RBM20: variants seen among roughly 807,000 people sequenced by gnomAD.
RBM20 encodes RNA-binding protein 20.
Under a neutral mutation model 110.1 loss-of-function variants are expected in RBM20, and 51 were observed. The ratio of observed to expected loss-of-function variants is 0.46; its 90% CI spans 0.37 to 0.59. The LOEUF is 0.59. Among genes scored for constraint, RBM20 ranks in the 20% least tolerant of loss-of-function variants. RBM20 has a pLI of 0.00. For synonymous variants in RBM20, 589 were observed against 618.2 expected (o/e 0.95, Z 0.70); for missense variants, 1,512 against 1,574.9 (o/e 0.96, Z 0.68).
At chr10:110,786,561 T>C (rs144367908) in intron 5 of RBM20, among the ~76,000 whole-genome samples, 122 of 152,342 alleles carry the variant, frequency 8.0e-4, no homozygotes, top group African/African-American at 2.8e-3. Flanking sequence ...CACATTTTGG[T>C]GAAAGAGAAT....
At position 110,821,908 on chromosome 10, in the gene RBM20, C is replaced by G; in HGVS notation, c.3289C>G (p.Gln1097Glu). 1 of 1,551,728 alleles carries G rather than the reference C, an allele frequency of 6.4e-7. No homozygotes were observed. The highest frequency in any genetic ancestry group is 8.7e-7 in the Non-Finnish European group (1 of 1,147,010). ...SPPIETDLQN[Q>E]ACQEVLTPEN... ...CCCCATCGAAACTGACCTCCAAAAC[C>G]AAGCTTGCCAAGAAGTGTTGACCCC... The change falls in exon 11 of 14, where the codon CAA becomes GAA. Residue 1097 changes from glutamine to glutamate, a missense_variant. Gln to Glu is a conservative substitution (Grantham distance 29). This residue lies in a region of RBM20 where 358 missense variants were observed against 384.2 expected (regional missense o/e 0.93). Coordinates refer to ENST00000369519, the MANE Select transcript of RBM20 (RefSeq NM_001134363.3).
At chr10:110,810,272 A>G in intron 7 of RBM20, 111 bp from the exon 8 acceptor site, 1 of 760,302 alleles carries the variant, frequency 1.3e-6, no homozygotes, top group Non-Finnish European at 2.3e-6. Context: ...CACACAAGGT[A>G]TTTTTTCCCT....
intron 1 of RBM20, among the ~76,000 whole-genome samples, chr10:110,765,469 T>C (rs554263831): frequency 1.4e-3 from 216 of 152,246 alleles, no homozygotes; most frequent in Non-Finnish European, 2.9e-3. Flanking sequence ...CAGCACCTCT[T>C]AGGTATCTTT....
intron 1 of RBM20, among the ~76,000 whole-genome samples, chr10:110,732,669 G>A (rs1437642469): frequency 6.6e-6 from 1 of 152,122 alleles, no homozygotes; most frequent in Non-Finnish European, 1.5e-5. Context: ...CCGTTCACAC[G>A]CACCCCATCG....
intron 1 of RBM20, among the ~76,000 whole-genome samples, chr10:110,765,788 A>G (rs1844073740): frequency 1.3e-5 from 2 of 152,144 alleles, no homozygotes; most frequent in African/African-American, 2.4e-5. Flanking sequence ...AACCTCAAAA[A>G]TAGCTTTTAT....
intron 1 of RBM20, among the ~76,000 whole-genome samples, chr10:110,688,159 C>T (rs563147969): frequency 1.3e-5 from 2 of 152,184 alleles, no homozygotes; most frequent in African/African-American, 4.8e-5. Context: ...TAATCCAGTC[C>T]ACAATTCCTT....
At position 110,830,211 on chromosome 10, in the gene RBM20, T is replaced by C. The variant is rs1845031792; in HGVS notation, c.3452-850T>C. ...CTGACCGTGTCTTCAAAAGGAGAAC[T>C]GTGACCTGCAAAACACCTTCGTGGA... On this transcript the variant is annotated intron_variant, in intron 12 of 13. Transcript: ENST00000369519. 2.0e-5 allele frequency among the ~76,000 whole-genome samples: 3 copies of C among 152,320 alleles called. No homozygotes were observed. The South Asian group carries it at 6.2e-4, about 32-fold the overall frequency.
At chr10:110,817,445 T>C (rs1470613695) in intron 9 of RBM20, among the ~76,000 whole-genome samples, 1 of 152,126 alleles carries the variant, frequency 6.6e-6, no homozygotes, top group Non-Finnish European at 1.5e-5. Context: ...GACCCAACCA[T>C]GCGGGAAGAC....
At chr10:110,742,005 T>C (rs1190374009) in intron 1 of RBM20, among the ~76,000 whole-genome samples, 3 of 152,312 alleles carry the variant, frequency 2.0e-5, no homozygotes, top group South Asian at 2.1e-4. Flanking sequence ...GAGGGAAATG[T>C]AGTGGACTGA....
intron 1 of RBM20, among the ~76,000 whole-genome samples, chr10:110,762,593 G>C (rs1232590458): frequency 6.6e-6 from 1 of 152,152 alleles, no homozygotes; most frequent in Non-Finnish European, 1.5e-5. Context: ...ATGTTACGGA[G>C]CTCACAATAG....
At chr10:110,691,840 T>C (rs925882974) in intron 1 of RBM20, among the ~76,000 whole-genome samples, 1 of 152,212 alleles carries the variant, frequency 6.6e-6, no homozygotes, top group Non-Finnish European at 1.5e-5. Flanking sequence ...ACCCAAGAAG[T>C]CATTGCCAAA....
chr10:110,690,385 A>C (rs961100048), intron 1 of RBM20, among the ~76,000 whole-genome samples: 50 of 152,018 alleles, frequency 3.3e-4, no homozygotes, highest in Non-Finnish European at 4.4e-4. Context: ...CAGGTTGTGC[A>C]ATAGAGCAAG....
At chr10:110,831,213 C>T (rs1261202820) in intron 13 of RBM20, 31 bp downstream of exon 13, 3 of 1,546,134 alleles carry the variant, frequency 1.9e-6, no homozygotes, top group Middle Eastern at 1.7e-4. Context: ...CCCAGCATGC[C>T]AGGGGCTCCC....
At chr10:110,798,473 G>A (rs990894824) in intron 6 of RBM20, among the ~76,000 whole-genome samples, 1 of 152,130 alleles carries the variant, frequency 6.6e-6, no homozygotes, top group Non-Finnish European at 1.5e-5. Flanking sequence ...TTGGGTAAAT[G>A]CACAGAATTC....
rs1843891916 is a variant in RBM20 at position 110,753,998 on chromosome 10, A to G, written c.192-26803A>G. ...CAAATCTACCCATCTAGGTTATGAGATCTAAATTCTGAGATCCTCAACTTA... is the reference window on the plus strand; with the variant it reads ...CAAATCTACCCATCTAGGTTATGAGGTCTAAATTCTGAGATCCTCAACTTA... On this transcript the variant is annotated intron_variant, in intron 1 of 13. Transcript: ENST00000369519. Among the ~76,000 whole-genome samples the G allele has an allele frequency of 2.0e-5, 3 of 152,126 alleles. No homozygotes were observed. The South Asian group carries it at 6.2e-4, about 31-fold the overall frequency.
At chr10:110,664,229 A>G (rs1862146292) in intron 1 of RBM20, among the ~76,000 whole-genome samples, 1 of 152,208 alleles carries the variant, frequency 6.6e-6, no homozygotes, top group Non-Finnish European at 1.5e-5. Context: ...TGTTGATTCC[A>G]GGCCTGGGGC....
chr10:110,739,651 C>G lies in RBM20; in HGVS notation c.192-41150C>G, dbSNP rs1843705451. On this transcript the variant is annotated intron_variant, in intron 1 of 13. Transcript: ENST00000369519. The surrounding 1 kb of genome is among the most constrained non-coding windows in gnomAD (Gnocchi z 4.1). ...GGCAGAGTGGCAGGGGAAAGAGCACCAGCATCAATGTGAACATTCTAGCTG... is the reference window on the plus strand; with the variant it reads ...GGCAGAGTGGCAGGGGAAAGAGCACGAGCATCAATGTGAACATTCTAGCTG... Among the ~76,000 whole-genome samples, 1 of 152,106 alleles carries G rather than the reference C, an allele frequency of 6.6e-6. No homozygotes were observed. The highest frequency in any genetic ancestry group is 1.5e-5 in the Non-Finnish European group (1 of 68,012).
In RBM20 at chr10:110,776,834, A is replaced by G. The variant is rs541847588; in HGVS notation, c.192-3967A>G. Among the ~76,000 whole-genome samples the G allele has an allele frequency of 1.7e-4, 26 of 152,358 alleles. No individual in the cohort carries two copies. The East Asian group carries it at 5.0e-3, about 29-fold the overall frequency. ...TTATCCACTCAATTTAAAAACCTGA[A>G]CTTAGACAGAGAAAGAGTGTACTGA... On this transcript the variant is annotated intron_variant, in intron 1 of 13. Transcript: ENST00000369519.
rs1843711664 is a variant in RBM20, at chr10:110,740,283, A to G, written c.192-40518A>G. Among the ~76,000 whole-genome samples the G allele has an allele frequency of 2.0e-5, 3 of 152,212 alleles. No homozygotes were observed. In the South Asian group the frequency reaches 6.2e-4, roughly 32 times the overall value. On this transcript the variant is annotated intron_variant, in intron 1 of 13. Transcript: ENST00000369519. ...GGTTAGGATGCTTTTGTTTCTGATG[A>G]GACCATCTAGTGTAGGTCAAAAGGA...
Sources: gnomAD v4.1 joint callset for allele counts (sites outside exome capture counted in the v4.1 genomes callset) on GRCh38, gnomAD v4.1.1 for gene constraint, gnomAD v4.1.1 regional missense constraint, Gnocchi (gnomAD v3.1) non-coding constraint, MANE v1.5 for transcripts, NCBI Gene and HGNC (gene_info 2026-07-23, HGNC 2026-07-21) for gene names.